Variants in URB1 observed in about 807,000 individuals in gnomAD.
URB1 encodes URB1 ribosome biogenesis factor, also known as nucleolar pre-ribosomal-associated protein 1.
A neutral mutation model predicts 242.3 loss-of-function variants in URB1; 197 were observed. The ratio of observed to expected loss-of-function variants is 0.81; its 90% CI spans 0.72 to 0.91. URB1 has a LOEUF of 0.91. Among genes scored for constraint, URB1 ranks in the 40% least tolerant of loss-of-function variants. The pLI is 0.00. For missense variants in URB1, 2,721 were observed against 2,860.5 expected (o/e 0.95, Z 1.11); for synonymous variants, 1,153 against 1,201.8 (o/e 0.96, Z 0.84).
At chr21:32,381,045 C>A (rs1292651812) in intron 4 of URB1, among the ~76,000 whole-genome samples, 3 of 152,228 alleles carry the variant, frequency 2.0e-5, no homozygotes, top group African/African-American at 7.2e-5. Context: ...GATGGAGGAA[C>A]TGGGTAAGAT....
At position 32,347,183 on chromosome 21, in the gene URB1, A is replaced by C. The variant is rs772324019; in HGVS notation, c.3641T>G (p.Val1214Gly). The change falls in exon 22 of 39, where the codon GTC becomes GGC. Residue 1214 changes from valine to glycine, a missense_variant. By Grantham distance (109) the Val-to-Gly change is moderately radical (BLOSUM62 -3). Coordinates refer to ENST00000382751, the MANE Select transcript of URB1 (RefSeq NM_014825.3). ...GCAGTAGTCAAGCAGATCAGCCCCG[A>C]CTGCGGGGGCCAGCACAGGGTCTCT... ...LQRDPVLAPA[V>G]GADLLDYCLA... 1 of 1,549,474 alleles carries C rather than the reference A, an allele frequency of 6.5e-7. No individual in the cohort carries two copies. The highest frequency in any genetic ancestry group is 1.4e-5 in the African/African-American group (1 of 73,022).
At chr21:32,391,870 A>AG (rs1181983650) in intron 1 of URB1, among the ~76,000 whole-genome samples, 1 of 151,760 alleles carries the variant, frequency 6.6e-6, no homozygotes, top group Non-Finnish European at 1.5e-5. Flanking sequence ...AAAAAAAAAA[A>AG]AAACATAGCT....
At chr21:32,385,210 A>G (rs976938738) in intron 2 of URB1, among the ~76,000 whole-genome samples, 6 of 152,186 alleles carry the variant, frequency 3.9e-5, no homozygotes, top group African/African-American at 1.4e-4. Context: ...ACAATCATCA[A>G]TTCATTATGT....
chr21:32,342,102 G>A (rs981978057), intron 24 of URB1, among the ~76,000 whole-genome samples: 1 of 152,038 alleles, frequency 6.6e-6, no homozygotes, highest in Non-Finnish European at 1.5e-5. Context: ...CATTTTATCA[G>A]CATAATTGTG....
chr21:32,321,805 G>A lies in URB1; in HGVS notation c.5480C>T (p.Ala1827Val), dbSNP rs1172829663. The A allele has an allele frequency of 3.2e-6, 5 of 1,551,568 alleles. No individual in the cohort carries two copies. The highest frequency in any genetic ancestry group is 4.4e-6 in the Non-Finnish European group (5 of 1,147,014). ...FFHSPLCDEAAQNWILEILQN... is the reference protein window; with the variant it reads ...FFHSPLCDEAVQNWILEILQN... ...AAGCTTGCGGAACCCATGTACCTGT[G>A]CTGCCTCGTCACACAGCGGGCTGTG... Residue 1827 changes from alanine to valine, a missense_variant, in exon 34 of 39, where the codon GCA (alanine) becomes GTA (valine). Transcript: ENST00000382751.
intron 4 of URB1, among the ~76,000 whole-genome samples, chr21:32,382,124 A>G (rs1410765055): frequency 6.6e-6 from 1 of 152,134 alleles, no homozygotes; most frequent in Non-Finnish European, 1.5e-5. Context: ...GCCCTTTCCC[A>G]CGCTGTCTGG....
Position 32,392,880 on chromosome 21 carries a change from C to T in URB1, c.31G>A (p.Gly11Ser), listed in dbSNP as rs1314363479. 1 of 1,530,628 alleles carries T rather than the reference C, an allele frequency of 6.5e-7. No individual in the cohort carries two copies. 94.8% of individuals were successfully genotyped at this position (1,530,628 alleles called of 1,614,324 possible). MGVPKRKASG[G>S]QDGAASSAGA... ...GCGGAGGAAGCCGCGCCGTCCTGGC[C>T]GCCCGAGGCCTTCCTCTTGGGGACC... The change falls in exon 1 of 39, where the codon GGC (glycine) becomes AGC (serine). Residue 11 changes from glycine (G) to serine (S), a missense_variant. Coordinates refer to ENST00000382751, the MANE Select transcript of URB1 (RefSeq NM_014825.3).
At position 32,366,526 on chromosome 21, in the gene URB1, A is replaced by C. The variant is rs555500801; in HGVS notation, c.1335+92T>G. On this transcript the variant is annotated intron_variant, in intron 10 of 38. Coordinates refer to ENST00000382751, the MANE Select transcript of URB1 (RefSeq NM_014825.3). ...GCCCCCTGACAAAACACAATCAAAC[A>C]CATCCAGGCCAGTTCTCAGAATAAT... The C allele has an allele frequency of 1.9e-5, 28 of 1,498,342 alleles. No homozygotes were observed. The East Asian group carries it at 6.4e-4, about 34-fold the overall frequency. 92.8% of individuals were successfully genotyped at this position (1,498,342 alleles called of 1,614,324 possible). A position where few individuals can be genotyped will look rare whatever the true frequency, so the allele number is the denominator to read the frequency against.
intron 1 of URB1, 144 bp from the exon 2 acceptor site, chr21:32,385,828 T>TGTTGTGGAAGGGTATA: frequency 8.3e-7 from 1 of 1,199,636 alleles, no homozygotes. Context: ...TGCTATCAAC[T>TGTTGTGGAAGGGTATA]TAACTGTTTC....
At chr21:32,360,875 T>C (rs2033274877) in intron 13 of URB1, 132 bp downstream of exon 13, 1 of 565,170 alleles carries the variant, frequency 1.8e-6, no homozygotes, top group Non-Finnish European at 3.1e-6. Context: ...CTGATGCAAG[T>C]ACAATTTCTC....
At position 32,317,724 on chromosome 21, in the gene URB1, C is replaced by A; in HGVS notation, c.5986G>T (p.Glu1996Ter). ...TTCTCAATGGCTGCTCTCAGGTCTT[C>A]CTGGAGCTTGAGGTCTCTTTCAATG... is the stretch of plus-strand genomic sequence containing the variant. ...SLIERDLKLQ[E>*]DLRAAIEKAQ... is the part of the protein sequence containing the mutation. Residue 1996 changes from glutamate to a stop codon, truncating the protein, a stop_gained, in exon 37 of 39, where the codon GAA becomes TAA. Transcript: ENST00000382751. LOFTEE classifies it high-confidence loss of function. The A allele has an allele frequency of 6.4e-7, 1 of 1,551,806 alleles. No homozygotes were observed. Among genetic ancestry groups the A allele is most frequent in the Non-Finnish European group, 8.7e-7 (1 of 1,147,028 alleles).
At chr21:32,368,686 T>C in intron 8 of URB1, 88 bp from the exon 9 acceptor site, 3 of 1,155,606 alleles carry the variant, frequency 2.6e-6, no homozygotes, top group Non-Finnish European at 3.6e-6. Context: ...TCTGCAGAAT[T>C]GCCCTCAGTG....
chr21:32,336,149 A>G (rs2032956590), intron 28 of URB1, among the ~76,000 whole-genome samples: 1 of 152,226 alleles, frequency 6.6e-6, no homozygotes, highest in Admixed American at 6.5e-5. Context: ...AGGAGAAAGG[A>G]AAAGAGCTTC....
intron 22 of URB1, among the ~76,000 whole-genome samples, chr21:32,346,209 G>C (rs1173039123): frequency 6.6e-6 from 1 of 152,130 alleles, no homozygotes; most frequent in Non-Finnish European, 1.5e-5. Flanking sequence ...ACCATGAGTG[G>C]AAGCAGCCTG....
chr21:32,325,361 C>CA lies in URB1; in HGVS notation c.4988dup (p.Leu1663PhefsTer17). On this transcript the variant is annotated frameshift_variant, in exon 31 of 39. Transcript: ENST00000382751. LOFTEE classifies it high-confidence loss of function. ...CAGTTAGGCCCAGAGCATTTGAATC[C>CA]AAAAATTTTCGACAATCCACCACAA... 2 of 1,550,894 alleles carry CA rather than the reference C, an allele frequency of 1.3e-6. No individual in the cohort carries two copies. Among genetic ancestry groups the CA allele is most frequent in the Non-Finnish European group, 1.7e-6 (2 of 1,146,360 alleles).
intron 23 of URB1, 22 bp from the exon 24 acceptor site, chr21:32,344,778 A>T: frequency 5.2e-6 from 8 of 1,545,588 alleles, no homozygotes; most frequent in Non-Finnish European, 7.0e-6. Context: ...GATGAGAGTC[A>T]GAGACAGAGA....
At chr21:32,375,526 GAAA>G in intron 5 of URB1, 43 bp from the exon 6 acceptor site, 1 of 1,195,852 alleles carries the variant, frequency 8.4e-7, no homozygotes, top group Non-Finnish European at 1.2e-6. Flanking sequence ...AAAATATTTT[GAAA>G]ATGAGAATAG....
intron 24 of URB1, among the ~76,000 whole-genome samples, chr21:32,342,210 T>C (rs947558432): frequency 1.3e-5 from 2 of 152,242 alleles, no homozygotes; most frequent in African/African-American, 4.8e-5. Flanking sequence ...AATTAGCCTT[T>C]TATTAAATAG....
chr21:32,317,770 G>C lies in URB1; in HGVS notation c.5940C>G (p.Val1980=). ...ETVLSTKDVL[V]LLHKWSLIER... Reference sequence around the variant, plus strand: ...CAATGAGGCTCCACTTGTGCAAGAGGACAAGGACGTCCTTGGTGGAAAGCA... The same window carrying C: ...CAATGAGGCTCCACTTGTGCAAGAGCACAAGGACGTCCTTGGTGGAAAGCA... The change falls in exon 37 of 39, where the codon GTC becomes GTG. Residue 1980 remains valine, a synonymous_variant. Transcript: ENST00000382751. 6.4e-7 allele frequency: 1 copy of C among 1,551,926 alleles called. No homozygotes were observed. The highest frequency in any genetic ancestry group is 1.2e-5 in the South Asian group (1 of 84,060).
Sources: allele counts gnomAD v4.1 joint callset (sites outside exome capture counted in the v4.1 genomes callset), GRCh38; gene constraint gnomAD v4.1.1; transcripts MANE v1.5; gene names NCBI Gene and HGNC (gene_info 2026-07-23, HGNC 2026-07-21).